The following BRWD1 variants were observed in gnomAD, a reference collection of about 807,000 sequenced individuals.
The protein encoded by BRWD1 is bromodomain and WD repeat domain containing 1.
In BRWD1, 82 loss-of-function variants were observed where a neutral mutation model predicts 251.2. The ratio of observed to expected loss-of-function variants is 0.33; its 90% CI spans 0.27 to 0.39. BRWD1 has a LOEUF of 0.39. Ranked by LOEUF, BRWD1 falls within the 10% of genes least tolerant of loss-of-function variation. BRWD1 has a pLI of 1.00. For synonymous variants in BRWD1, 918 were observed against 902.8 expected, an observed-to-expected ratio of 1.02 and a Z score of -0.30; for missense variants, 2,233 against 2,711.6, an observed-to-expected ratio of 0.82 and a Z score of 3.92.
At chr21:39,293,680 G>A (rs970615664) in intron 8 of BRWD1, 131 bp downstream of exon 8, 3 of 694,982 alleles carry the variant, frequency 4.3e-6, no homozygotes, top group African/African-American at 3.6e-5. Context: ...TGATTTGTAT[G>A]AATGATTATC....
At chr21:39,288,631 G>A (rs2035714365) in intron 8 of BRWD1, among the ~76,000 whole-genome samples, 1 of 152,068 alleles carries the variant, frequency 6.6e-6, no homozygotes. Context: ...CTTAACTATT[G>A]ATAAAGCCTC....
chr21:39,247,280 C>T, intron 21 of BRWD1, among the ~76,000 whole-genome samples: 1 of 152,142 alleles, frequency 6.6e-6, no homozygotes, highest in East Asian at 1.9e-4. Flanking sequence ...CAATATACTA[C>T]AGGTTATATA....
At chr21:39,313,035 G>T in intron 3 of BRWD1, 37 bp downstream of exon 3, 1 of 1,337,800 alleles carries the variant, frequency 7.5e-7, no homozygotes, top group Non-Finnish European at 9.6e-7. Context: ...GTCGGCAGGA[G>T]GAACCCGAGG....
intron 37 of BRWD1, 151 bp downstream of exon 37, chr21:39,205,957 G>A (rs10460678): frequency 0.071 from 49,287 of 695,246 alleles, 2,363 homozygotes; most frequent in East Asian, 0.19. Context: ...GTGTGCGCCT[G>A]TAGTCCCAGC....
chr21:39,307,540 C>T (rs1034652766), intron 4 of BRWD1, among the ~76,000 whole-genome samples: 7 of 152,008 alleles, frequency 4.6e-5, no homozygotes, highest in African/African-American at 1.4e-4. Flanking sequence ...TCTTCATCTT[C>T]GCTTGTTAAC....
chr21:39,212,763 C>T, intron 33 of BRWD1, 56 bp from the exon 34 acceptor site: 1 of 1,212,582 alleles, frequency 8.2e-7, no homozygotes, highest in Non-Finnish European at 1.2e-6. Context: ...AAAATAATAA[C>T]ATAATCTTAA....
chr21:39,271,359 C>T (rs148615587), intron 13 of BRWD1, among the ~76,000 whole-genome samples: 1,648 of 151,318 alleles, frequency 0.011, 21 homozygotes, highest in African/African-American at 0.037. Flanking sequence ...GTAGGGAAGG[C>T]CTAATGGTTC....
rs936714465 is a variant in BRWD1, at chr21:39,191,729, G to A, written c.*4530C>T. ...ATGATTTACCTTGTAAAACAAAGGG[G>A]TAGAGCTGCTACAGTCCATCTAGGC... On this transcript the variant is annotated 3_prime_UTR_variant, in exon 41 of 41. Transcript: ENST00000342449. 2 of 985,116 alleles carry A rather than the reference G, an allele frequency of 2.0e-6. No individual in the cohort carries two copies. Among genetic ancestry groups the A allele is most frequent in the African/African-American group, 1.7e-5 (1 of 57,168 alleles). The allele number at this position is 985,116 out of a possible 1,614,324, so 61.0% of individuals were successfully genotyped here.
At chr21:39,231,504 A>G (rs1335578087) in intron 25 of BRWD1, among the ~76,000 whole-genome samples, 1 of 152,186 alleles carries the variant, frequency 6.6e-6, no homozygotes, top group African/African-American at 2.4e-5. Flanking sequence ...TTCTGTCAAC[A>G]GTGAGTGAAC....
chr21:39,209,414 A>ACC (rs922108265), intron 36 of BRWD1, among the ~76,000 whole-genome samples: 5 of 151,256 alleles, frequency 3.3e-5, no homozygotes, highest in African/African-American at 1.2e-4. Flanking sequence ...ACCCAGTGTC[A>ACC]CCACTTCACT....
At chr21:39,216,359 G>C (rs1568876481) in intron 31 of BRWD1, among the ~76,000 whole-genome samples, 1 of 151,088 alleles carries the variant, frequency 6.6e-6, no homozygotes, top group African/African-American at 2.4e-5. Context: ...AACATACAAA[G>C]AAAAAAAATA....
chr21:39,313,826 C>T (rs1308801476), upstream of BRWD1: 4 of 349,560 alleles, frequency 1.1e-5, no homozygotes, highest in African/African-American at 4.5e-5. Context: ...ACCTGGGCGC[C>T]GCAGCAGCGA....
chr21:39,215,179 T>C, intron 32 of BRWD1, 58 bp downstream of exon 32: 1 of 1,568,410 alleles, frequency 6.4e-7, no homozygotes, highest in South Asian at 1.1e-5. Context: ...CAAAACTAGA[T>C]GATTGTTAAT....
intron 21 of BRWD1, among the ~76,000 whole-genome samples, chr21:39,246,178 T>C (rs2034182432): frequency 6.6e-6 from 1 of 151,984 alleles, no homozygotes; most frequent in African/African-American, 2.4e-5. Context: ...AAGGACTGTA[T>C]CCAGAACATA....
At chr21:39,306,875 T>TG (rs762011689) in intron 4 of BRWD1, among the ~76,000 whole-genome samples, 3 of 152,208 alleles carry the variant, frequency 2.0e-5, no homozygotes, top group Non-Finnish European at 4.4e-5. Context: ...TATTTTGAGA[T>TG]GGAGTTTTGC....
intron 5 of BRWD1, 44 bp downstream of exon 5, chr21:39,298,388 T>C: frequency 1.3e-6 from 2 of 1,496,692 alleles, no homozygotes; most frequent in Non-Finnish European, 1.8e-6. Context: ...TAATAATTAT[T>C]AGGCTATTAA....
At chr21:39,235,764 G>T in intron 23 of BRWD1, 1 of 178,790 alleles carries the variant, frequency 5.6e-6, no homozygotes, top group Non-Finnish European at 1.2e-5. Context: ...AGTCACATGA[G>T]CACCCAGCAG....
In BRWD1 at chr21:39,199,013, C is replaced by G. The variant is rs1455391508; in HGVS notation, c.5403G>C (p.Arg1801Ser). The G allele has an allele frequency of 6.2e-7, 1 of 1,613,904 alleles. No individual in the cohort carries two copies. ...CATTCTTGTGAAATGTATTGTATTT[C>G]CTACCACCAGATCTTCCTGGTTCAG... is the stretch of plus-strand genomic sequence containing the variant. ...ADSEPGRSGG[R>S]KYNTFHKNAS... Residue 1801 changes from arginine (R) to serine (S), a missense_variant, in exon 40 of 41, where the codon AGG (arginine) becomes AGC (serine). Coordinates refer to ENST00000342449, the MANE Select transcript of BRWD1 (RefSeq NM_033656.4).
At chr21:39,251,009 A>G (rs2034376409) in intron 19 of BRWD1, 120 bp from the exon 20 acceptor site, 1 of 612,232 alleles carries the variant, frequency 1.6e-6, no homozygotes, top group East Asian at 3.2e-5. Flanking sequence ...AAAATACACA[A>G]AATCTCTGAA....
Sources: gnomAD v4.1 joint callset for allele counts (sites outside exome capture counted in the v4.1 genomes callset) on GRCh38, gnomAD v4.1.1 for gene constraint, MANE v1.5 for transcripts, NCBI Gene and HGNC (gene_info 2026-07-23, HGNC 2026-07-21) for gene names.